RSRC1: variants seen among roughly 807,000 people sequenced by gnomAD.
RSRC1 encodes the protein arginine and serine rich coiled-coil 1, also known as serine/Arginine-related protein 53.
RSRC1 carries 39 observed loss-of-function variants against 49.1 expected under a neutral mutation model. The observed-to-expected ratio is 0.79, with a 90% CI of 0.61 to 1.04. The LOEUF is 1.04. Among genes scored for constraint, RSRC1 ranks in the 50% least tolerant of loss-of-function variants. RSRC1 has a pLI of 0.00. For synonymous variants in RSRC1, 143 were observed against 130.8 expected, an observed-to-expected ratio of 1.09 and a Z score of -0.63; for missense variants, 388 against 402.4, an observed-to-expected ratio of 0.96 and a Z score of 0.31.
chr3:158,350,031 C>G (rs112883281), intron 5 of RSRC1, among the ~76,000 whole-genome samples: 2,581 of 151,668 alleles, frequency 0.017, 68 homozygotes, highest in African/African-American at 0.06. Flanking sequence ...AATGTCAACA[C>G]TACCATTTAT....
intron 4 of RSRC1, among the ~76,000 whole-genome samples, chr3:158,222,238 C>T (rs1722261894): frequency 6.6e-6 from 1 of 151,562 alleles, no homozygotes; most frequent in South Asian, 2.1e-4. Context: ...CACATAGCCT[C>T]CATTTTTTTC....
chr3:158,146,512 G>A (rs1717127934), intron 3 of RSRC1, among the ~76,000 whole-genome samples: 1 of 152,160 alleles, frequency 6.6e-6, no homozygotes, highest in Non-Finnish European at 1.5e-5. Flanking sequence ...TTTTTGATGT[G>A]CTGCTGGGTT....
intron 7 of RSRC1, among the ~76,000 whole-genome samples, chr3:158,487,966 A>C (rs1738896713): frequency 6.7e-6 from 1 of 148,452 alleles, no homozygotes; most frequent in Admixed American, 6.7e-5. Flanking sequence ...AAAAAAAAAA[A>C]AAAAAAAACT....
Position 158,328,897 on chromosome 3 carries a change from T to C in RSRC1, c.532-25960T>C, listed in dbSNP as rs140762834. ...ACCAATCAGACGTAGATTTTGTCTTTTCACATAGTCCCATATTTCTTGGAG... is the reference window on the plus strand; with the variant it reads ...ACCAATCAGACGTAGATTTTGTCTTCTCACATAGTCCCATATTTCTTGGAG... On this transcript the variant is annotated intron_variant, in intron 5 of 9. Coordinates refer to ENST00000611884, the MANE Select transcript of RSRC1 (RefSeq NM_001271838.2). Among the ~76,000 whole-genome samples the C allele has an allele frequency of 4.6e-3, 706 of 152,346 alleles. 4 individuals carry two copies. The highest frequency in any genetic ancestry group is 7.3e-3 in the Non-Finnish European group (496 of 68,030).
intron 3 of RSRC1, among the ~76,000 whole-genome samples, chr3:158,202,005 A>G (rs2108277780): frequency 6.6e-6 from 1 of 152,224 alleles, no homozygotes; most frequent in South Asian, 2.1e-4. Context: ...TTGGATTAAA[A>G]TGGCAACAAT....
intron 3 of RSRC1, among the ~76,000 whole-genome samples, chr3:158,124,587 C>A (rs9872495): frequency 0.012 from 1,752 of 152,204 alleles, 28 homozygotes; most frequent in African/African-American, 0.04. Context: ...CTTACTGATT[C>A]AATCTCCTTG....
chr3:158,189,697 A>G (rs1358243910), intron 3 of RSRC1, among the ~76,000 whole-genome samples: 2 of 151,884 alleles, frequency 1.3e-5, no homozygotes, highest in Non-Finnish European at 2.9e-5. Context: ...CAGTTGGACA[A>G]TCTTTCAATT....
At chr3:158,182,732 AGTATTCCTTT>A (rs1719697074) in intron 3 of RSRC1, among the ~76,000 whole-genome samples, 1 of 152,206 alleles carries the variant, frequency 6.6e-6, no homozygotes, top group South Asian at 2.1e-4. Flanking sequence ...TAAAATAATT[AGTATTCCTTT>A]GTTCTGATAC....
intron 6 of RSRC1, among the ~76,000 whole-genome samples, chr3:158,448,457 T>C (rs928635827): frequency 6.6e-6 from 1 of 151,910 alleles, no homozygotes; most frequent in African/African-American, 2.4e-5. Flanking sequence ...AAGATACATA[T>C]AAGCAAAAGG....
intron 6 of RSRC1, among the ~76,000 whole-genome samples, chr3:158,414,664 A>G (rs959257855): frequency 6.6e-6 from 1 of 152,014 alleles, no homozygotes; most frequent in Non-Finnish European, 1.5e-5. Flanking sequence ...GGAGATTGCA[A>G]TGAGCTATGA....
At chr3:158,327,928 C>A (rs1264910015) in intron 5 of RSRC1, among the ~76,000 whole-genome samples, 1 of 152,192 alleles carries the variant, frequency 6.6e-6, no homozygotes, top group East Asian at 1.9e-4. Context: ...GTATTGGGTG[C>A]ATACATATTT....
At chr3:158,240,287 C>A (rs1478220710) in intron 4 of RSRC1, among the ~76,000 whole-genome samples, 3 of 151,974 alleles carry the variant, frequency 2.0e-5, no homozygotes, top group Non-Finnish European at 2.9e-5. Flanking sequence ...GGTAGTTAAC[C>A]TTTCCTACTA....
At chr3:158,229,810 A>G (rs1722851990) in intron 4 of RSRC1, among the ~76,000 whole-genome samples, 1 of 152,034 alleles carries the variant, frequency 6.6e-6, no homozygotes, top group Admixed American at 6.6e-5. Flanking sequence ...ATTTGTCTGA[A>G]CCAGTGAAGA....
At chr3:158,235,632 GATTAAAT>G (rs1173762926) in intron 4 of RSRC1, among the ~76,000 whole-genome samples, 3 of 132,126 alleles carry the variant, frequency 2.3e-5, no homozygotes, top group Non-Finnish European at 3.2e-5. Flanking sequence ...TTTTACTTAA[GATTAAAT>G]GTTTACATAT....
chr3:158,527,880 AT>A (rs1560076621), intron 7 of RSRC1, among the ~76,000 whole-genome samples: 1 of 151,958 alleles, frequency 6.6e-6, no homozygotes, highest in African/African-American at 2.4e-5. Context: ...AATGCATTAC[AT>A]TTTTATCATG....
At chr3:158,122,445 C>A in intron 2 of RSRC1, 147 bp downstream of exon 2, 1 of 553,868 alleles carries the variant, frequency 1.8e-6, no homozygotes, top group Non-Finnish European at 3.0e-6. Context: ...TTTTTTGTTC[C>A]ACCAGGTCCA....
At chr3:158,473,349 TCA>T in intron 7 of RSRC1, among the ~76,000 whole-genome samples, 1 of 152,088 alleles carries the variant, frequency 6.6e-6, no homozygotes, top group East Asian at 1.9e-4. Context: ...AATGATGAGT[TCA>T]TGTCCTTTGT....
chr3:158,390,902 T>G (rs901574197), intron 6 of RSRC1, among the ~76,000 whole-genome samples: 6 of 152,126 alleles, frequency 3.9e-5, no homozygotes, highest in Non-Finnish European at 5.9e-5. Context: ...GTAAACAACC[T>G]CTGCTTTTTC....
intron 4 of RSRC1, among the ~76,000 whole-genome samples, chr3:158,247,218 T>C (rs1198269083): frequency 6.6e-6 from 1 of 152,242 alleles, no homozygotes; most frequent in Non-Finnish European, 1.5e-5. Context: ...TGTTTTTCAA[T>C]TCTAACTGGT....
Sources: allele counts gnomAD v4.1 joint callset (sites outside exome capture counted in the v4.1 genomes callset), GRCh38; gene constraint gnomAD v4.1.1; transcripts MANE v1.5; gene names NCBI Gene and HGNC (gene_info 2026-07-23, HGNC 2026-07-21).